ANKRD60: variants seen among roughly 807,000 people sequenced by gnomAD.
ANKRD60 encodes ankyrin repeat domain-containing protein 60.
A neutral mutation model predicts 21.3 loss-of-function variants in ANKRD60; 24 were observed. The ratio of observed to expected loss-of-function variants is 1.13; its 90% CI spans 0.82 to 1.59. The LOEUF (loss-of-function observed/expected upper bound fraction) is 1.59, where lower values mean the gene tolerates loss of function less well. Ranked by LOEUF, ANKRD60 falls within the 40% of genes most tolerant of loss-of-function variation. ANKRD60 has a pLI of 0.00. For synonymous variants in ANKRD60, 182 were observed against 199.4 expected, an observed-to-expected ratio of 0.91 and a Z score of 0.74; for missense variants, 490 against 466.7, an observed-to-expected ratio of 1.05 and a Z score of -0.46.
downstream of ANKRD60, among the ~76,000 whole-genome samples, chr20:58,217,491 A>G (rs139656570): frequency 5.4e-3 from 818 of 151,802 alleles, 10 homozygotes; most frequent in African/African-American, 0.019. Flanking sequence ...AGGTCTGGAG[A>G]GTTCTAGAAA....
chr20:58,225,596 C>T (rs1470136725), intron 1 of ANKRD60, among the ~76,000 whole-genome samples: 1 of 152,170 alleles, frequency 6.6e-6, no homozygotes, highest in African/African-American at 2.4e-5. Context: ...AATTCCAGAG[C>T]TGGTTTCTCT....
chr20:58,220,659 G>C (rs981478988), intron 3 of ANKRD60, among the ~76,000 whole-genome samples: 1 of 151,780 alleles, frequency 6.6e-6, no homozygotes, highest in Non-Finnish European at 1.5e-5. Context: ...TGGCTGGAAG[G>C]TGGACTATTT....
At position 58,228,312 on chromosome 20, in the gene ANKRD60, G is replaced by A; in HGVS notation, c.342C>T (p.Gly114=). 6.4e-7 allele frequency: 1 copy of A among 1,551,294 alleles called. No individual in the cohort carries two copies. Residue 114 remains glycine (G), a synonymous_variant, in exon 1 of 4, where the codon GGC becomes GGT. Transcript: ENST00000457363. The surrounding 1 kb of genome is among the most constrained non-coding windows in gnomAD (Gnocchi z 5.3). Reference sequence around the variant, plus strand: ...CTTTGAGCTCCCGCACGGTCATGTCGCCGCGGCAGTTTGCCACTCGGAACA... The same window carrying A: ...CTTTGAGCTCCCGCACGGTCATGTCACCGCGGCAGTTTGCCACTCGGAACA...
At chr20:58,226,377 A>G (rs1387942194) in intron 1 of ANKRD60, among the ~76,000 whole-genome samples, 2 of 152,068 alleles carry the variant, frequency 1.3e-5, no homozygotes, top group East Asian at 1.9e-4. Context: ...GAGGGTAGGA[A>G]TCGAGCACAT....
exon 4 of ANKRD60, chr20:58,218,780 G>C (rs1156990159): frequency 2.6e-6 from 4 of 1,544,240 alleles, no homozygotes; most frequent in Non-Finnish European, 2.6e-6. Flanking sequence ...TCCTGCCCAG[G>C]GGGGATCTGC....
At chr20:58,218,910 GC>G in intron 3 of ANKRD60, 105 bp from the exon 4 acceptor site, 1 of 1,097,974 alleles carries the variant, frequency 9.1e-7, no homozygotes, top group Non-Finnish European at 1.3e-6. Context: ...CTGCTGCCTG[GC>G]CCAGCTCCAG....
In ANKRD60 at chr20:58,225,122, G is replaced by T. The variant is rs6026135; in HGVS notation, c.431-1940C>A. Among the ~76,000 whole-genome samples the T allele has an allele frequency of 4.8e-3, 737 of 152,308 alleles. 4 individuals carry two copies. Among genetic ancestry groups the T allele is most frequent in the African/African-American group, 0.017 (704 of 41,572 alleles). ...GCCACCCACAGCAAGGACTACAACA[G>T]CAGAGAGAGGTCGAGCTTCTAACAG... On this transcript the variant is annotated intron_variant, in intron 1 of 3. Transcript: ENST00000457363.
At chr20:58,221,354 C>T in exon 3 of ANKRD60, 6 of 1,552,290 alleles carry the variant, frequency 3.9e-6, no homozygotes, top group East Asian at 2.4e-5. Context: ...CTAGAAGGTA[C>T]TGCACAGCAT....
downstream of ANKRD60, among the ~76,000 whole-genome samples, chr20:58,217,599 C>T (rs1055641557): frequency 1.3e-5 from 2 of 152,160 alleles, no homozygotes; most frequent in South Asian, 2.1e-4. Context: ...TTATTTCCCA[C>T]GCCCAGCTCA....
At chr20:58,227,339 TG>T (rs1174157376) in intron 1 of ANKRD60, among the ~76,000 whole-genome samples, 5 of 152,078 alleles carry the variant, frequency 3.3e-5, no homozygotes, top group Admixed American at 6.6e-5. Context: ...TTGTTGATTT[TG>T]GGGTCCTGAG....
intron 1 of ANKRD60, among the ~76,000 whole-genome samples, chr20:58,225,577 G>A (rs758862484): frequency 2.6e-5 from 4 of 152,142 alleles, no homozygotes; most frequent in African/African-American, 9.7e-5. Flanking sequence ...AGGGGGAAAC[G>A]GCTCCGAGAA....
rs1406293626 is a variant in ANKRD60, at chr20:58,228,468, G to T, written c.186C>A (p.Pro62=). Reference sequence around the variant, plus strand: ...CGCGGGCACAGGCCAGGGGCTGCGCGGGGAGGGCCCGCGAGTCCGCCGAGC... The same window carrying T: ...CGCGGGCACAGGCCAGGGGCTGCGCTGGGAGGGCCCGCGAGTCCGCCGAGC... Residue 62 remains proline, a synonymous_variant, in exon 1 of 4, where the codon CCC becomes CCA. Transcript: ENST00000457363. This position sits in a 1 kb window ranked among gnomAD's most constrained non-coding sequence, Gnocchi z 5.3. 18 of 1,524,336 alleles carry T rather than the reference G, an allele frequency of 1.2e-5. No homozygotes were observed. Among genetic ancestry groups the T allele is most frequent in the Non-Finnish European group, 1.6e-5 (18 of 1,140,748 alleles). The allele number at this position is 1,524,336 out of a possible 1,614,324, so 94.4% of individuals were successfully genotyped here.
Position 58,228,302 on chromosome 20 carries a change from C to T in ANKRD60, c.352G>A (p.Val118Met), listed in dbSNP as rs377420268. The T allele has an allele frequency of 1.9e-6, 3 of 1,551,250 alleles. No individual in the cohort carries two copies. The highest frequency in any genetic ancestry group is 2.7e-5 in the African/African-American group (2 of 73,052). ...TCCAGCTCCTCTTTGAGCTCCCGCA[C>T]GGTCATGTCGCCGCGGCAGTTTGCC... Residue 118 changes from valine (V) to methionine (M), a missense_variant, in exon 1 of 4, where the codon GTG becomes ATG. Transcript: ENST00000457363. The surrounding 1 kb of genome is among the most constrained non-coding windows in gnomAD (Gnocchi z 5.3).
chr20:58,221,593 G>C, intron 2 of ANKRD60, 90 bp from the exon 3 acceptor site: 1 of 1,381,534 alleles, frequency 7.2e-7, no homozygotes, highest in South Asian at 1.4e-5. Context: ...GGGAAGGCTT[G>C]CTTGAATGTC....
In ANKRD60 at chr20:58,220,683, AGTGTGTGTGTGTGTGTGTGTGT is replaced by A. The variant is rs36015489; in HGVS notation, c.727+633_727+654del. On this transcript the variant is annotated intron_variant, in intron 3 of 3. Coordinates refer to ENST00000457363, the Ensembl canonical transcript of ANKRD60. ...GGTGGACTATTTTGGGGTTTTTTCT[AGTGTGTGTGTGTGTGTGTGTGT>A]GTGTGTGTGTGTGTGTGTGTGTGTT... Among the ~76,000 whole-genome samples the A allele has an allele frequency of 3.8e-3, 565 of 148,418 alleles. 5 individuals carry two copies. The highest frequency in any genetic ancestry group is 0.013 in the African/African-American group (515 of 39,464).
downstream of ANKRD60, among the ~76,000 whole-genome samples, chr20:58,216,526 G>T (rs1173698905): frequency 1.3e-5 from 2 of 152,202 alleles, no homozygotes; most frequent in Non-Finnish European, 2.9e-5. Flanking sequence ...TTGGGTTGGG[G>T]TTGCTTAATA....
chr20:58,225,287 C>T (rs1984342684), intron 1 of ANKRD60, among the ~76,000 whole-genome samples: 1 of 152,162 alleles, frequency 6.6e-6, no homozygotes, highest in South Asian at 2.1e-4. Context: ...GGGTGCCAGG[C>T]ATTTGTAGTT....
At chr20:58,217,552 C>G (rs926746352), downstream of ANKRD60, among the ~76,000 whole-genome samples, 1 of 152,120 alleles carries the variant, frequency 6.6e-6, no homozygotes, top group Non-Finnish European at 1.5e-5. Context: ...TCTCGGTGCT[C>G]TCTTCAGACA....
chr20:58,222,990 C>A, intron 2 of ANKRD60, 62 bp downstream of exon 2: 1 of 1,485,824 alleles, frequency 6.7e-7, no homozygotes, highest in East Asian at 2.5e-5. Flanking sequence ...GACTAATTTT[C>A]CCCCCACAAT....
Sources: allele counts gnomAD v4.1 joint callset (sites outside exome capture counted in the v4.1 genomes callset), GRCh38; gene constraint gnomAD v4.1.1; non-coding constraint Gnocchi (gnomAD v3.1); transcripts MANE v1.5; gene names NCBI Gene and HGNC (gene_info 2026-07-23, HGNC 2026-07-21).